NRXN1: variants seen among roughly 807,000 people sequenced by gnomAD.
NRXN1 encodes the protein neurexin 1.
A neutral mutation model predicts 150.9 loss-of-function variants in NRXN1; 39 were observed. That is an observed-to-expected ratio of 0.26 (90% CI 0.20 to 0.34). The LOEUF (loss-of-function observed/expected upper bound fraction) is 0.34. NRXN1 is among the 10% of genes least tolerant of loss of function. NRXN1 has a pLI of 1.00. For missense variants in NRXN1, 1,815 were observed against 1,949.9 expected, an observed-to-expected ratio of 0.93 and a Z score of 1.30; for synonymous variants, 924 against 757.0, an observed-to-expected ratio of 1.22 and a Z score of -3.62.
intron 2 of NRXN1, among the ~76,000 whole-genome samples, chr2:50,932,475 T>C (rs1262478142): frequency 6.6e-6 from 1 of 152,014 alleles, no homozygotes; most frequent in Admixed American, 6.6e-5. Flanking sequence ...AAGTGGAGCA[T>C]TTAGGCCATT....
intron 5 of NRXN1, among the ~76,000 whole-genome samples, chr2:50,845,557 T>C (rs983092371): frequency 1.3e-5 from 2 of 152,216 alleles, no homozygotes; most frequent in African/African-American, 2.4e-5. Flanking sequence ...ATTTATTCAC[T>C]TGTTAACTCT....
intron 8 of NRXN1, chr2:50,589,264 G>A (rs924324112): frequency 2.3e-4 from 35 of 152,396 alleles, no homozygotes; most frequent in African/African-American, 7.7e-4. Context: ...ATATGGCAGG[G>A]GGTTTATGTT....
At chr2:50,294,552 T>C (rs1445538317) in intron 17 of NRXN1, among the ~76,000 whole-genome samples, 1 of 152,198 alleles carries the variant, frequency 6.6e-6, no homozygotes, top group Non-Finnish European at 1.5e-5. Flanking sequence ...AAGTTCATTG[T>C]GAAGGAGAAT....
chr2:50,648,578 C>A (rs1346615465), intron 5 of NRXN1, among the ~76,000 whole-genome samples: 1 of 151,792 alleles, frequency 6.6e-6, no homozygotes, highest in East Asian at 1.9e-4. Context: ...GCACGTGAGC[C>A]GCTGCTTCAA....
chr2:50,069,396 T>C, intron 19 of NRXN1, among the ~76,000 whole-genome samples: 1 of 152,176 alleles, frequency 6.6e-6, no homozygotes. Flanking sequence ...GGTGTTGTTG[T>C]AAAGACAAGC....
At chr2:50,887,938 T>G (rs1680496721) in intron 5 of NRXN1, among the ~76,000 whole-genome samples, 3 of 135,872 alleles carry the variant, frequency 2.2e-5, no homozygotes, top group Non-Finnish European at 4.9e-5. Flanking sequence ...TTCTGGAAAA[T>G]AAAACAATAA....
At chr2:50,158,289 C>G (rs2059150445) in intron 18 of NRXN1, among the ~76,000 whole-genome samples, 1 of 151,192 alleles carries the variant, frequency 6.6e-6, no homozygotes, top group Non-Finnish European at 1.5e-5. Context: ...TACAAAATGC[C>G]CATCAAAATA....
intron 5 of NRXN1, among the ~76,000 whole-genome samples, chr2:50,785,243 CTTTTT>C (rs35158893): frequency 9.4e-6 from 1 of 106,066 alleles, no homozygotes; most frequent in Non-Finnish European, 1.9e-5. Context: ...AGAAAATACA[CTTTTT>C]TTTTTTTTTT....
chr2:50,218,636 C>A (rs904120172), intron 18 of NRXN1, among the ~76,000 whole-genome samples: 4 of 151,790 alleles, frequency 2.6e-5, no homozygotes, highest in African/African-American at 9.7e-5. Flanking sequence ...AAGACAGAAT[C>A]TAAACTTTCA....
chr2:50,481,835 G>C (rs1409615366), intron 15 of NRXN1, among the ~76,000 whole-genome samples: 4 of 122,354 alleles, frequency 3.3e-5, no homozygotes, highest in African/African-American at 1.4e-4. Flanking sequence ...GCGGGATCTC[G>C]GCTCACTGCA....
intron 21 of NRXN1, among the ~76,000 whole-genome samples, chr2:50,052,454 C>T (rs186401881): frequency 6.6e-6 from 1 of 152,072 alleles, no homozygotes; most frequent in African/African-American, 2.4e-5. Context: ...CATCTAACAG[C>T]ATTTCGAATA....
At chr2:50,727,957 A>G (rs1697598697) in intron 5 of NRXN1, among the ~76,000 whole-genome samples, 1 of 152,168 alleles carries the variant, frequency 6.6e-6, no homozygotes, top group Non-Finnish European at 1.5e-5. Flanking sequence ...GAAAGGTTAC[A>G]CTTTATCAAG....
chr2:50,296,163 A>G (rs1486678020), intron 17 of NRXN1, among the ~76,000 whole-genome samples: 1 of 152,208 alleles, frequency 6.6e-6, no homozygotes, highest in Non-Finnish European at 1.5e-5. Flanking sequence ...ATAAGTAATC[A>G]TTTTAGATAA....
intron 8 of NRXN1, among the ~76,000 whole-genome samples, chr2:50,565,042 C>T (rs955683858): frequency 6.6e-6 from 1 of 151,996 alleles, no homozygotes; most frequent in African/African-American, 2.4e-5. Context: ...TTTTTGCCAA[C>T]AAAAATTCAG....
At chr2:50,572,721 A>G (rs773537038) in intron 8 of NRXN1, among the ~76,000 whole-genome samples, 2 of 152,166 alleles carry the variant, frequency 1.3e-5, no homozygotes, top group Non-Finnish European at 2.9e-5. Context: ...AACCCTGACA[A>G]CCTCTGAGAA....
At chr2:49,930,352 G>A (rs934108517) in intron 22 of NRXN1, among the ~76,000 whole-genome samples, 7 of 152,014 alleles carry the variant, frequency 4.6e-5, no homozygotes, top group African/African-American at 1.7e-4. Context: ...TACATATGAC[G>A]GACCAAGAGT....
intron 22 of NRXN1, among the ~76,000 whole-genome samples, chr2:49,936,191 G>A (rs114256478): frequency 1.3e-5 from 2 of 152,256 alleles, no homozygotes; most frequent in Non-Finnish European, 2.9e-5. Flanking sequence ...ATCTCACTTA[G>A]CAAACTCACT....
intron 17 of NRXN1, among the ~76,000 whole-genome samples, chr2:50,453,268 T>G (rs2104549793): frequency 6.6e-6 from 1 of 152,232 alleles, no homozygotes. Flanking sequence ...CCTCCCAGAG[T>G]TCCCGGTTCA....
chr2:50,781,024 T>A (rs773436811), intron 5 of NRXN1, among the ~76,000 whole-genome samples: 1 of 152,208 alleles, frequency 6.6e-6, no homozygotes, highest in Non-Finnish European at 1.5e-5. Flanking sequence ...TTATGAATGC[T>A]AGCACAAAAT....
Sources: gnomAD v4.1 joint callset for allele counts (sites outside exome capture counted in the v4.1 genomes callset) on GRCh38, gnomAD v4.1.1 for gene constraint, MANE v1.5 for transcripts, NCBI Gene and HGNC (gene_info 2026-07-23, HGNC 2026-07-21) for gene names.